The following PATJ variants were observed in gnomAD, a reference collection of about 807,000 sequenced individuals.
PATJ encodes PATJ crumbs cell polarity complex component, also known as inaD-like protein.
PATJ carries 190 observed loss-of-function variants against 224.9 expected under a neutral mutation model. The observed-to-expected ratio is 0.84, with a 90% CI of 0.75 to 0.95. The LOEUF (loss-of-function observed/expected upper bound fraction) is 0.95. Ranked by LOEUF, PATJ falls within the 40% of genes least tolerant of loss-of-function variation. The pLI is 0.00. For missense variants in PATJ, 2,121 were observed against 2,270.3 expected (o/e 0.93, Z 1.34); for synonymous variants, 769 against 820.3 (o/e 0.94, Z 1.07).
chr1:61,763,866 C>G (rs1209608808), intron 3 of PATJ, among the ~76,000 whole-genome samples: 1 of 152,060 alleles, frequency 6.6e-6, no homozygotes, highest in African/African-American at 2.4e-5. Flanking sequence ...CTATGTTGCC[C>G]AGGCTGGTCT....
At chr1:61,950,074 C>T (rs764611678) in intron 27 of PATJ, among the ~76,000 whole-genome samples, 2 of 151,906 alleles carry the variant, frequency 1.3e-5, no homozygotes, top group Non-Finnish European at 2.9e-5. Flanking sequence ...TGTGGTGGCA[C>T]GTGCCTGTAA....
chr1:61,895,785 G>A (rs1196352645), intron 22 of PATJ, among the ~76,000 whole-genome samples: 2 of 152,168 alleles, frequency 1.3e-5, no homozygotes, highest in East Asian at 1.9e-4. Flanking sequence ...AGAGGGCCAC[G>A]ATCTTCCAGA....
intron 21 of PATJ, among the ~76,000 whole-genome samples, chr1:61,883,332 C>T (rs1668350665): frequency 6.6e-6 from 1 of 152,008 alleles, no homozygotes; most frequent in South Asian, 2.1e-4. Flanking sequence ...TAAATTATGG[C>T]AATCTGTACC....
intron 43 of PATJ, among the ~76,000 whole-genome samples, chr1:62,155,298 C>T (rs561456341): frequency 8.5e-5 from 13 of 152,284 alleles, no homozygotes; most frequent in Admixed American, 8.5e-4. Flanking sequence ...GGCCTTTTGA[C>T]CTGGACCCAG....
At chr1:61,823,174 A>G in intron 15 of PATJ, 95 bp downstream of exon 15, 1 of 1,233,490 alleles carries the variant, frequency 8.1e-7, no homozygotes, top group Non-Finnish European at 1.2e-6. Context: ...TAGTGTCACC[A>G]ATGCCAATGT....
chr1:62,118,795 A>T (rs1327720468), intron 37 of PATJ, among the ~76,000 whole-genome samples: 2 of 151,970 alleles, frequency 1.3e-5, no homozygotes, highest in Non-Finnish European at 1.5e-5. Context: ...ACATCCGGCT[A>T]ATTTTTGTAT....
chr1:62,087,692 A>G (rs1660190494), intron 33 of PATJ, among the ~76,000 whole-genome samples: 1 of 151,298 alleles, frequency 6.6e-6, no homozygotes, highest in Non-Finnish European at 1.5e-5. Context: ...CTGCTAGTGA[A>G]CCACCTCACC....
At chr1:62,058,024 T>C (rs1008783177) in intron 31 of PATJ, among the ~76,000 whole-genome samples, 1 of 152,266 alleles carries the variant, frequency 6.6e-6, no homozygotes, top group Non-Finnish European at 1.5e-5. Flanking sequence ...CAGAATGTTA[T>C]GATTTTTCAA....
chr1:61,777,644 G>A (rs1203510335), intron 7 of PATJ, among the ~76,000 whole-genome samples: 1 of 150,870 alleles, frequency 6.6e-6, no homozygotes, highest in African/African-American at 2.5e-5. Context: ...TCGGTATTTG[G>A]AAGGTCTGCA....
chr1:62,008,529 A>C (rs888790393), intron 28 of PATJ, among the ~76,000 whole-genome samples: 5 of 152,124 alleles, frequency 3.3e-5, no homozygotes, highest in African/African-American at 1.2e-4. Context: ...GGCCAGGGCA[A>C]GTGGATCGCT....
At chr1:61,901,216 G>A in intron 23 of PATJ, 66 bp from the exon 24 acceptor site, 2 of 961,736 alleles carry the variant, frequency 2.1e-6, no homozygotes, top group Admixed American at 3.1e-5. Context: ...TGATGCAAAT[G>A]GAATACTTAC....
chr1:61,813,291 C>T (rs897216479), intron 14 of PATJ, among the ~76,000 whole-genome samples: 4 of 147,388 alleles, frequency 2.7e-5, no homozygotes, highest in Non-Finnish European at 6.0e-5. Context: ...TCTGCCTCCA[C>T]ACTTACTGTG....
intron 16 of PATJ, 134 bp downstream of exon 16, chr1:61,827,717 C>A (rs1658528179): frequency 1.5e-6 from 1 of 648,162 alleles, no homozygotes; most frequent in Non-Finnish European, 2.4e-6. Flanking sequence ...GGCAACAATG[C>A]ATAGCTTTTC....
At chr1:62,084,793 C>A in intron 33 of PATJ, 145 bp downstream of exon 33, 1 of 843,416 alleles carries the variant, frequency 1.2e-6, no homozygotes, top group Non-Finnish European at 1.9e-6. Context: ...CATCCATAGT[C>A]TAGCTAGTTT....
Position 62,148,302 on chromosome 1 carries a change from A to G in PATJ, c.5290A>G (p.Ile1764Val). Residue 1764 changes from isoleucine (I) to valine (V), a missense_variant, in exon 42 of 44, where the codon ATA becomes GTA. Physicochemically the swap from Ile to Val is conservative, Grantham distance 29. Coordinates refer to ENST00000642238, the MANE Select transcript of PATJ (RefSeq NM_001350145.3). The stretch of plus-strand genomic sequence containing the variant: ...TCCCCAGGTTGTAGCAGATACCAAT[A>G]TAAGCGCCATAGCAGCTCAGCTTGA... ...IILQVVADTNISAIAAQLENM... is the reference protein window; with the variant it reads ...IILQVVADTNVSAIAAQLENM... The G allele has an allele frequency of 1.9e-6, 3 of 1,613,714 alleles. No individual in the cohort carries two copies. The highest frequency in any genetic ancestry group is 1.3e-5 in the African/African-American group (1 of 74,978).
At chr1:62,098,142 G>A (rs978297530) in intron 33 of PATJ, among the ~76,000 whole-genome samples, 2 of 151,806 alleles carry the variant, frequency 1.3e-5, no homozygotes, top group African/African-American at 4.8e-5. Context: ...GGTGGATCAC[G>A]AGGTCAGGAG....
rs148196750 is a variant in PATJ, at chr1:61,762,047, C to T, written c.-35-811C>T. On this transcript the variant is annotated intron_variant, in intron 1 of 43. Transcript: ENST00000642238. ...CTGGGTATAGAGAGGACACCTCTCA[C>T]ATGAGGATCCTATGATCTGCTTCAG... 5.7e-4 allele frequency among the ~76,000 whole-genome samples: 87 copies of T among 152,290 alleles called. 1 individual carries two copies. The highest frequency in any genetic ancestry group is 2.0e-3 in the African/African-American group (83 of 41,558).
chr1:62,007,789 AT>A (rs1402292980), intron 28 of PATJ, among the ~76,000 whole-genome samples: 20 of 152,188 alleles, frequency 1.3e-4, no homozygotes, highest in Non-Finnish European at 7.3e-5. Flanking sequence ...GAAGGGAGAG[AT>A]TATGTCTCTT....
At chr1:61,870,261 C>G (rs1371476670) in intron 20 of PATJ, among the ~76,000 whole-genome samples, 1 of 152,150 alleles carries the variant, frequency 6.6e-6, no homozygotes, top group East Asian at 1.9e-4. Context: ...GTAATCTTCC[C>G]CAGAAGTCCA....
Sources: gnomAD v4.1 joint callset for allele counts (sites outside exome capture counted in the v4.1 genomes callset) on GRCh38, gnomAD v4.1.1 for gene constraint, MANE v1.5 for transcripts, NCBI Gene and HGNC (gene_info 2026-07-23, HGNC 2026-07-21) for gene names.